The following ZNF90 variants were observed in gnomAD, a reference collection of about 807,000 sequenced individuals.
The protein encoded by ZNF90 is zinc finger protein 90, also known as zinc finger protein HTF9.
A neutral mutation model predicts 12.0 loss-of-function variants in ZNF90; 11 were observed. The observed-to-expected ratio is 0.92, with a 90% CI of 0.58 to 1.52. The LOEUF (loss-of-function observed/expected upper bound fraction) is 1.52. ZNF90 is among the 40% of genes most tolerant of loss of function. The probability of loss-of-function intolerance (pLI) is 0.00; values close to 1 mark genes in which losing one functional copy is unlikely to be tolerated. For missense variants in ZNF90, 765 were observed against 711.5 expected (o/e 1.08, Z -0.86); for synonymous variants, 232 against 240.1 (o/e 0.97, Z 0.31).
chr19:20,118,559 T>C lies in ZNF90; in HGVS notation c.1005T>C (p.His335=), dbSNP rs782595691. The change falls in exon 4 of 4, where the codon CAT becomes CAC. Residue 335 remains histidine, a synonymous_variant. Coordinates refer to ENST00000418063, the MANE Select transcript of ZNF90 (RefSeq NM_007138.2). ...SSILSTHKRI[H]TGEKPYKCEE... Reference sequence around the variant, plus strand: ...TCCTTAGTACACATAAGAGAATCCATACTGGAGAGAAACCCTACAAATGTG... The same window carrying C: ...TCCTTAGTACACATAAGAGAATCCACACTGGAGAGAAACCCTACAAATGTG... 4 of 1,613,338 alleles carry C rather than the reference T, an allele frequency of 2.5e-6. No individual in the cohort carries two copies. Among genetic ancestry groups the C allele is most frequent in the South Asian group, 2.2e-5 (2 of 90,980 alleles).
At position 20,120,913 on chromosome 19, in the gene ZNF90, C is replaced by G. The variant is rs1292258634; in HGVS notation, c.*1553C>G. The G allele has an allele frequency of 6.6e-6, 1 of 152,204 alleles. No homozygotes were observed. Among genetic ancestry groups the G allele is most frequent in the East Asian group, 1.9e-4 (1 of 5,198 alleles). The allele number at this position is 152,204 out of a possible 1,614,324, so 9.4% of individuals were successfully genotyped here. On this transcript the variant is annotated 3_prime_UTR_variant, in exon 4 of 4. Transcript: ENST00000418063. ...AATTGATGCTGCATCAGAGATATTA[C>G]AGATTCTTTATTGGGCATTCCTTAT...
chr19:20,080,619 T>C lies in ZNF90; in HGVS notation c.3+2484T>C, dbSNP rs2122468067. 2.1e-5 allele frequency: 4 copies of C among 186,814 alleles called. No individual in the cohort carries two copies. In the Middle Eastern group the frequency reaches 6.9e-3, roughly 323 times the overall value. 11.6% of individuals were successfully genotyped at this position (186,814 alleles called of 1,614,324 possible). A position where few individuals can be genotyped will look rare whatever the true frequency, so the allele number is the denominator to read the frequency against. On this transcript the variant is annotated intron_variant, in intron 1 of 3. Coordinates refer to ENST00000418063, the MANE Select transcript of ZNF90 (RefSeq NM_007138.2). ...ATTTGGCTTTTCCTGGGCCACATCT[T>C]ATACATTAAACCGGTAAACATCACT...
chr19:20,088,908 G>C (rs2088880408), intron 1 of ZNF90, among the ~76,000 whole-genome samples: 1 of 152,260 alleles, frequency 6.6e-6, no homozygotes, highest in Middle Eastern at 3.4e-3. Flanking sequence ...TGTCATGTTG[G>C]TGTCATGAGG....
intron 1 of ZNF90, among the ~76,000 whole-genome samples, chr19:20,086,276 C>T (rs1022091230): frequency 4.1e-5 from 6 of 145,106 alleles, no homozygotes; most frequent in South Asian, 2.2e-4. Context: ...TCACTCTTGC[C>T]CAGGCTGGAG....
chr19:20,119,469 A>T lies in ZNF90; in HGVS notation c.*109A>T, dbSNP rs142387312. 9,704 of 898,466 alleles carry T rather than the reference A, an allele frequency of 0.011. 77 individuals are homozygous for T. The highest frequency in any genetic ancestry group is 0.013 in the South Asian group (719 of 53,368). 55.7% of individuals were successfully genotyped at this position (898,466 alleles called of 1,614,324 possible). ...GACCACCCCTCTACTCTTACTAAAT[A>T]TGAGAATTTATATGAAACATAACTC... is the stretch of plus-strand genomic sequence containing the variant. On this transcript the variant is annotated 3_prime_UTR_variant, in exon 4 of 4. Transcript: ENST00000418063.
chr19:20,112,144 G>A (rs945164772), intron 3 of ZNF90, among the ~76,000 whole-genome samples: 2 of 150,386 alleles, frequency 1.3e-5, no homozygotes, highest in African/African-American at 4.9e-5. Context: ...GGCATGAGCC[G>A]ATGTGCCCAG....
chr19:20,102,794 GAA>G (rs1363375124), intron 1 of ZNF90, among the ~76,000 whole-genome samples: 3 of 152,144 alleles, frequency 2.0e-5, no homozygotes, highest in Non-Finnish European at 4.4e-5. Context: ...ACAGGATTAA[GAA>G]AATGCTTATT....
At position 20,113,825 on chromosome 19, in the gene ZNF90, C is replaced by G. The variant is rs1390276974; in HGVS notation, c.227-3956C>G. On this transcript the variant is annotated intron_variant, in intron 3 of 3. Transcript: ENST00000418063. ...CCTGAGGGACAGAGTGAGACCTGGT[C>G]TCAAAAACACTCCTAATTTCAACAT... is the stretch of plus-strand genomic sequence containing the variant. 2.0e-5 allele frequency among the ~76,000 whole-genome samples: 3 copies of G among 152,096 alleles called. No individual in the cohort carries two copies. The East Asian group carries it at 5.9e-4, about 30-fold the overall frequency.
intron 3 of ZNF90, among the ~76,000 whole-genome samples, chr19:20,109,800 C>T (rs185196490): frequency 2.0e-5 from 3 of 151,920 alleles, no homozygotes; most frequent in Non-Finnish European, 4.4e-5. Flanking sequence ...AAAATTGTGC[C>T]TCTACACTCC....
At chr19:20,097,009 G>A (rs1309215335) in intron 1 of ZNF90, among the ~76,000 whole-genome samples, 2 of 152,292 alleles carry the variant, frequency 1.3e-5, no homozygotes, top group East Asian at 1.9e-4. Flanking sequence ...TACACACATG[G>A]CCTCGTCAAT....
chr19:20,099,525 T>C (rs75459319), intron 1 of ZNF90, among the ~76,000 whole-genome samples: 1,769 of 152,348 alleles, frequency 0.012, 17 homozygotes, highest in South Asian at 0.033. Context: ...TTAAATCCCC[T>C]GTTAGGAAAC....
chr19:20,108,731 CTTTT>C (rs10626180), intron 3 of ZNF90, among the ~76,000 whole-genome samples: 4 of 119,974 alleles, frequency 3.3e-5, no homozygotes, highest in Admixed American at 9.5e-5. Context: ...GTAGGTTTCT[CTTTT>C]TTTTTTTTTT....
Position 20,117,825 on chromosome 19 carries a change from C to G in ZNF90, c.271C>G (p.Leu91Val). 1 of 1,591,280 alleles carries G rather than the reference C, an allele frequency of 6.3e-7. No homozygotes were observed. Among genetic ancestry groups the G allele is most frequent in the Non-Finnish European group, 8.5e-7 (1 of 1,170,326 alleles). Residue 91 changes from leucine to valine, a missense_variant, in exon 4 of 4, where the codon CTA becomes GTA. Leu to Val is a conservative substitution (Grantham distance 32). Coordinates refer to ENST00000418063, the MANE Select transcript of ZNF90 (RefSeq NM_007138.2). ...FAQDLCPEQSLKDSFQKVIVT... is the reference protein window; with the variant it reads ...FAQDLCPEQSVKDSFQKVIVT... ...CCAAGACCTTTGTCCAGAGCAGAGC[C>G]TAAAAGATTCCTTCCAAAAAGTGAT...
At chr19:20,114,146 C>T (rs1184690262) in intron 3 of ZNF90, among the ~76,000 whole-genome samples, 1 of 152,048 alleles carries the variant, frequency 6.6e-6, no homozygotes, top group Non-Finnish European at 1.5e-5. Flanking sequence ...AAAAAATTAG[C>T]CAAGTGTGTT....
Position 20,118,899 on chromosome 19 carries a change from G to C in ZNF90, c.1345G>C (p.Gly449Arg). Residue 449 changes from glycine (G) to arginine (R), a missense_variant, in exon 4 of 4, where the codon GGA (glycine) becomes CGA (arginine). Gly to Arg is a moderately radical substitution (Grantham distance 125). Coordinates refer to ENST00000418063, the MANE Select transcript of ZNF90 (RefSeq NM_007138.2). ...ALSTHKIIHS[G>R]EKPYKCEECG... ...TAGCACACATAAGATAATTCATAGTGGAGAGAAACCCTACAAATGTGAAGA... is the reference window on the plus strand; with the variant it reads ...TAGCACACATAAGATAATTCATAGTCGAGAGAAACCCTACAAATGTGAAGA... 1 of 1,612,880 alleles carries C rather than the reference G, an allele frequency of 6.2e-7. No individual in the cohort carries two copies. The highest frequency in any genetic ancestry group is 8.5e-7 in the Non-Finnish European group (1 of 1,179,532).
intron 1 of ZNF90, among the ~76,000 whole-genome samples, chr19:20,098,165 G>A (rs192459295): frequency 2.6e-5 from 4 of 152,236 alleles, no homozygotes; most frequent in Admixed American, 2.0e-4. Context: ...TCTATTAGGG[G>A]ATCTCTTCAC....
At chr19:20,093,684 G>C (rs10422598) in intron 1 of ZNF90, among the ~76,000 whole-genome samples, 3,751 of 152,208 alleles carry the variant, frequency 0.025, 141 homozygotes, top group African/African-American at 0.086. Context: ...GTTTTCAGGG[G>C]TTTTGAAGCT....
At chr19:20,099,978 GAAAGGAAATGA>G (rs2088976857) in intron 1 of ZNF90, among the ~76,000 whole-genome samples, 1 of 152,092 alleles carries the variant, frequency 6.6e-6, no homozygotes, top group African/African-American at 2.4e-5. Context: ...GGGGTCATCA[GAAAGGAAATGA>G]AAAGGAAATA....
chr19:20,105,190 A>C (rs964687361), intron 2 of ZNF90, 31 bp from the exon 3 acceptor site: 49 of 1,524,824 alleles, frequency 3.2e-5, no homozygotes, highest in Non-Finnish European at 4.3e-5. Context: ...AATATGAGGA[A>C]GATTCATGTT....
Sources: allele counts gnomAD v4.1 joint callset (sites outside exome capture counted in the v4.1 genomes callset), GRCh38; gene constraint gnomAD v4.1.1; transcripts MANE v1.5; gene names NCBI Gene and HGNC (gene_info 2026-07-23, HGNC 2026-07-21).